TBCCD1: variants seen among roughly 807,000 people sequenced by gnomAD.
TBCCD1 encodes TBCC domain containing 1, also known as TBCC domain-containing protein 1.
A neutral mutation model predicts 53.4 loss-of-function variants in TBCCD1; 26 were observed. The ratio of observed to expected loss-of-function variants is 0.49; its 90% CI spans 0.36 to 0.68. TBCCD1 has a LOEUF of 0.68. TBCCD1 is among the 30% of genes least tolerant of loss of function. The pLI is 0.00. For synonymous variants in TBCCD1, 245 were observed against 241.7 expected (o/e 1.01, Z -0.13); for missense variants, 558 against 669.5 (o/e 0.83, Z 1.84).
chr3:186,570,094 T>TG (rs766809086), upstream of TBCCD1: 81 of 668,194 alleles, frequency 1.2e-4, no homozygotes, highest in Middle Eastern at 2.4e-4. Flanking sequence ...AGGGGAGGGG[T>TG]GGGGGGTCTC....
chr3:186,551,953 G>T (rs1023636757), intron 6 of TBCCD1, among the ~76,000 whole-genome samples: 3 of 152,000 alleles, frequency 2.0e-5, no homozygotes, highest in Non-Finnish European at 2.9e-5. Flanking sequence ...CTCCAGCCTG[G>T]GCAACAAAGC....
intron 6 of TBCCD1, 30 bp from the exon 7 acceptor site, chr3:186,551,309 A>T (rs372238179): frequency 6.3e-7 from 1 of 1,597,578 alleles, no homozygotes; most frequent in Admixed American, 1.7e-5. Context: ...TAAAAAGAAT[A>T]TAAGAACATG....
chr3:186,548,510 A>G (rs1344983948), intron 7 of TBCCD1, among the ~76,000 whole-genome samples: 1 of 152,206 alleles, frequency 6.6e-6, no homozygotes, highest in Non-Finnish European at 1.5e-5. Flanking sequence ...AAAAAGGTGA[A>G]TTTACTTCCC....
chr3:186,562,356 AAG>A (rs1346868131), intron 2 of TBCCD1, among the ~76,000 whole-genome samples: 3 of 152,288 alleles, frequency 2.0e-5, no homozygotes, highest in Admixed American at 2.0e-4. Flanking sequence ...TAAAAACAGA[AAG>A]AGAGAGAAAT....
intron 7 of TBCCD1, among the ~76,000 whole-genome samples, chr3:186,548,512 T>G (rs1202317550): frequency 2.0e-5 from 3 of 152,216 alleles, no homozygotes; most frequent in Non-Finnish European, 4.4e-5. Context: ...AAAGGTGAAT[T>G]TACTTCCCAT....
rs777277967 is a variant in TBCCD1 at position 186,555,014 on chromosome 3, T to C, written c.930A>G (p.Val310=). The stretch of plus-strand genomic sequence containing the variant: ...TCTGCTTGTAAACCTGGCTCATCAC[T>C]ACCAGTCGGTGCATCCTAGGGGCCA... The part of the protein sequence containing the change: ...THVAPRMHRL[V]VMSQVYKQTL... Residue 310 remains valine, a synonymous_variant, in exon 5 of 8, where the codon GTA becomes GTG. Transcript: ENST00000338733. 6.2e-7 allele frequency: 1 copy of C among 1,614,052 alleles called. No homozygotes were observed. The highest frequency in any genetic ancestry group is 1.7e-5 in the Admixed American group (1 of 60,018).
At chr3:186,547,547 C>A (rs150807188) in intron 7 of TBCCD1, among the ~76,000 whole-genome samples, 5 of 151,594 alleles carry the variant, frequency 3.3e-5, no homozygotes, top group Admixed American at 2.6e-4. Flanking sequence ...TAGGCCACTG[C>A]GCTCAGCCAA....
intron 5 of TBCCD1, 21 bp downstream of exon 5, chr3:186,554,877 C>T (rs1167460572): frequency 6.2e-7 from 1 of 1,610,946 alleles, no homozygotes; most frequent in East Asian, 2.2e-5. Context: ...AACATCAGAA[C>T]ACCATGAAAA....
At chr3:186,561,549 G>C (rs1193022466) in intron 2 of TBCCD1, among the ~76,000 whole-genome samples, 2 of 152,200 alleles carry the variant, frequency 1.3e-5, no homozygotes, top group African/African-American at 2.4e-5. Context: ...CAGCACTTTG[G>C]GAGGCCGAGG....
Position 186,558,529 on chromosome 3 carries a change from T to C in TBCCD1, c.380A>G (p.Gln127Arg), listed in dbSNP as rs1267056310. 7 of 1,614,144 alleles carry C rather than the reference T, an allele frequency of 4.3e-6. No individual in the cohort carries two copies. The highest frequency in any genetic ancestry group is 5.1e-6 in the Non-Finnish European group (6 of 1,180,012). The change falls in exon 3 of 8, where the codon CAA (glutamine) becomes CGA (arginine). Residue 127 changes from glutamine (Q) to arginine (R), a missense_variant. Coordinates refer to ENST00000338733, the MANE Select transcript of TBCCD1 (RefSeq NM_018138.5). ...CCTTAGGGAGACCTTGTTCAACTGT[T>C]GAATGTATAAGAAGAGCAGAAACTG... ...TLQFLLFLYI[Q>R]QLNKVSLRTS... is the part of the protein sequence containing the mutation.
In TBCCD1 at chr3:186,554,103, C is replaced by T. The variant is rs930504623; in HGVS notation, c.1544+151G>A. 6.5e-6 allele frequency: 7 copies of T among 1,070,004 alleles called. No individual in the cohort carries two copies. In the Admixed American group the frequency reaches 1.8e-4, roughly 28 times the overall value. 66.3% of individuals were successfully genotyped at this position (1,070,004 alleles called of 1,614,324 possible). The stretch of plus-strand genomic sequence containing the variant: ...CCTCAGGTGATCCACCCACCTCGGC[C>T]TCCCAAAGTGCTGGGATTATAGGCG... On this transcript the variant is annotated intron_variant, in intron 6 of 7. Transcript: ENST00000338733.
chr3:186,561,524 T>C (rs1042085557), intron 2 of TBCCD1, among the ~76,000 whole-genome samples: 4 of 152,330 alleles, frequency 2.6e-5, no homozygotes, highest in African/African-American at 7.2e-5. Flanking sequence ...GCGCGGTGGC[T>C]CACGCCTGTA....
At chr3:186,564,531 T>A (rs1436984781) in intron 1 of TBCCD1, among the ~76,000 whole-genome samples, 159 bp from the exon 2 acceptor site, 1 of 152,226 alleles carries the variant, frequency 6.6e-6, no homozygotes, top group African/African-American at 2.4e-5. Flanking sequence ...ACAGTTTTTT[T>A]AATCAGATCT....
intron 1 of TBCCD1, among the ~76,000 whole-genome samples, chr3:186,565,709 C>T (rs1477392475): frequency 6.6e-6 from 1 of 152,194 alleles, no homozygotes; most frequent in Non-Finnish European, 1.5e-5. Context: ...AATGTTGTCA[C>T]AAGTGTAAAT....
intron 7 of TBCCD1, among the ~76,000 whole-genome samples, chr3:186,548,851 T>A (rs1037026756): frequency 6.6e-6 from 1 of 152,276 alleles, no homozygotes; most frequent in South Asian, 2.1e-4. Context: ...GAGAGTAGAT[T>A]TTAAGTGTTC....
At position 186,546,899 on chromosome 3, in the gene TBCCD1, TAGTTTCA is replaced by T. The variant is rs1490953425; in HGVS notation, c.*71_*77del. Reference sequence around the variant, plus strand: ...AAGCAGCAATAGCACCTTCCCAATTTAGTTTCAAGTTTCAAGATGAGCACCATCCTCC... The same window carrying T: ...AAGCAGCAATAGCACCTTCCCAATTTAGTTTCAAGATGAGCACCATCCTCC... On this transcript the variant is annotated 3_prime_UTR_variant, in exon 8 of 8. Coordinates refer to ENST00000338733, the MANE Select transcript of TBCCD1 (RefSeq NM_018138.5). 1 of 151,762 alleles carries T rather than the reference TAGTTTCA, an allele frequency of 6.6e-6. No homozygotes were observed. Among genetic ancestry groups the T allele is most frequent in the Non-Finnish European group, 1.5e-5 (1 of 67,960 alleles). The allele number at this position is 151,762 out of a possible 1,614,324, so 9.4% of individuals were successfully genotyped here.
rs1038869431 is a variant in TBCCD1 at position 186,567,297 on chromosome 3, TCTC to T, written c.-77_-75del. 1.3e-5 allele frequency: 2 copies of T among 152,790 alleles called. No individual in the cohort carries two copies. The highest frequency in any genetic ancestry group is 6.6e-5 in the Admixed American group (1 of 15,266). 9.5% of individuals were successfully genotyped at this position (152,790 alleles called of 1,614,324 possible). ...AATGCAGGCGCCGCTCCGCCGCACT[TCTC>T]CGCGCGCCGCCGCGCCCGGCGTCCG... On this transcript the variant is annotated 5_prime_UTR_variant, in exon 1 of 8. Coordinates refer to ENST00000338733, the MANE Select transcript of TBCCD1 (RefSeq NM_018138.5).
At chr3:186,559,471 A>G (rs1714635532) in intron 2 of TBCCD1, among the ~76,000 whole-genome samples, 2 of 152,222 alleles carry the variant, frequency 1.3e-5, no homozygotes, top group African/African-American at 4.8e-5. Flanking sequence ...TATTCAAGGA[A>G]GGGTGTGGTT....
At chr3:186,547,533 G>C (rs1172002712) in intron 7 of TBCCD1, among the ~76,000 whole-genome samples, 3 of 151,736 alleles carry the variant, frequency 2.0e-5, no homozygotes, top group African/African-American at 7.3e-5. Context: ...TGGGATTAGA[G>C]ACATAGGCCA....
Sources: allele counts gnomAD v4.1 joint callset (sites outside exome capture counted in the v4.1 genomes callset), GRCh38; gene constraint gnomAD v4.1.1; transcripts MANE v1.5; gene names NCBI Gene and HGNC (gene_info 2026-07-23, HGNC 2026-07-21).